Variants in RASA2 observed in about 807,000 individuals in gnomAD.
RASA2 encodes ras GTPase-activating protein 2.
Under a neutral mutation model 118.2 loss-of-function variants are expected in RASA2, and 155 were observed. The observed-to-expected ratio is 1.31, with a 90% CI of 1.15 to 1.50. The LOEUF is 1.50. RASA2 is among the 40% of genes most tolerant of loss of function. The pLI is 0.00. For synonymous variants in RASA2, 353 were observed against 349.1 expected, an observed-to-expected ratio of 1.01 and a Z score of -0.12; for missense variants, 1,016 against 1,009.6, an observed-to-expected ratio of 1.01 and a Z score of -0.09.
intron 18 of RASA2, among the ~76,000 whole-genome samples, 158 bp downstream of exon 18, chr3:141,586,256 CTT>C (rs1396167925): frequency 6.6e-6 from 1 of 152,124 alleles, no homozygotes; most frequent in Non-Finnish European, 1.5e-5. Flanking sequence ...GTCCTACAAA[CTT>C]TATGGCAAAA....
rs193117443 is a variant in RASA2, at chr3:141,594,354, A to C, written c.1933+7602A>C. Among the ~76,000 whole-genome samples, 197 of 136,952 alleles carry C rather than the reference A, an allele frequency of 1.4e-3. 8 individuals are homozygous for C. In the East Asian group the frequency reaches 0.041, roughly 29 times the overall value. 89.8% of individuals were successfully genotyped at this position (136,952 alleles called of 152,430 possible). On this transcript the variant is annotated intron_variant, in intron 19 of 23. Coordinates refer to ENST00000286364, the MANE Select transcript of RASA2 (RefSeq NM_006506.5). The stretch of plus-strand genomic sequence containing the variant: ...AAGGAGAGTAGAGAAAGAATTGGAC[A>C]AAAAAAAAAATTTTTTTTTGAAGAA...
At chr3:141,559,417 A>G (rs1222891797) in intron 8 of RASA2, among the ~76,000 whole-genome samples, 1 of 152,116 alleles carries the variant, frequency 6.6e-6, no homozygotes, top group Admixed American at 6.5e-5. Flanking sequence ...TTAAATATCT[A>G]TGCCCTTTGC....
intron 6 of RASA2, among the ~76,000 whole-genome samples, 154 bp from the exon 7 acceptor site, chr3:141,555,686 A>G (rs1301292016): frequency 1.3e-5 from 2 of 151,914 alleles, no homozygotes; most frequent in South Asian, 4.2e-4. Context: ...GTTTATAAGG[A>G]CAGTTACTTT....
intron 19 of RASA2, among the ~76,000 whole-genome samples, chr3:141,603,604 T>C (rs1346211792): frequency 6.6e-6 from 1 of 152,092 alleles, no homozygotes; most frequent in Non-Finnish European, 1.5e-5. Context: ...TTAGATATAA[T>C]TCACATACCA....
chr3:141,548,375 C>A (rs564731746), intron 5 of RASA2, among the ~76,000 whole-genome samples: 60 of 152,226 alleles, frequency 3.9e-4, no homozygotes, highest in African/African-American at 1.4e-3. Context: ...TTGGTCTCTT[C>A]AGGTTTTGGA....
intron 5 of RASA2, among the ~76,000 whole-genome samples, chr3:141,549,924 C>G (rs773418015): frequency 6.6e-6 from 1 of 152,030 alleles, no homozygotes; most frequent in African/African-American, 2.4e-5. Flanking sequence ...ACAATTTGAG[C>G]TTCAGAATAA....
At chr3:141,512,784 C>T (rs1165527449) in intron 2 of RASA2, among the ~76,000 whole-genome samples, 3 of 152,076 alleles carry the variant, frequency 2.0e-5, no homozygotes, top group Non-Finnish European at 2.9e-5. Context: ...ATAAGGAGGC[C>T]GGGCGTGGTG....
intron 1 of RASA2, among the ~76,000 whole-genome samples, chr3:141,508,025 G>A (rs1361570503): frequency 6.6e-6 from 1 of 152,048 alleles, no homozygotes; most frequent in Admixed American, 6.5e-5. Flanking sequence ...CATTAAACGG[G>A]CTATAGATAA....
chr3:141,507,700 G>A (rs1559994920), intron 1 of RASA2, among the ~76,000 whole-genome samples: 1 of 152,186 alleles, frequency 6.6e-6, no homozygotes, highest in Non-Finnish European at 1.5e-5. Flanking sequence ...CATGAAATCT[G>A]TGACTGAATA....
intron 12 of RASA2, 26 bp from the exon 13 acceptor site, chr3:141,573,118 AATC>A: frequency 6.6e-7 from 1 of 1,526,266 alleles, no homozygotes; most frequent in South Asian, 1.3e-5. Flanking sequence ...CTTAGAAAAA[AATC>A]ATTAACTGAA....
At chr3:141,553,150 A>G (rs547503695) in intron 5 of RASA2, among the ~76,000 whole-genome samples, 27 of 152,174 alleles carry the variant, frequency 1.8e-4, no homozygotes, top group Non-Finnish European at 3.8e-4. Flanking sequence ...AGCTTGCCCT[A>G]TATTTATGAA....
At chr3:141,600,299 C>G (rs1344208930) in intron 19 of RASA2, 2 of 538,210 alleles carry the variant, frequency 3.7e-6, no homozygotes, top group Non-Finnish European at 7.6e-6. Flanking sequence ...GCCTCACATT[C>G]TTCTCCTGCA....
intron 4 of RASA2, among the ~76,000 whole-genome samples, chr3:141,537,590 G>C (rs1359808387): frequency 6.6e-6 from 1 of 152,122 alleles, no homozygotes; most frequent in Non-Finnish European, 1.5e-5. Context: ...CCAACATGGT[G>C]AAACCGTGTC....
In RASA2 at chr3:141,559,509, G is replaced by C. The variant is rs369632000; in HGVS notation, c.762-385G>C. The stretch of plus-strand genomic sequence containing the variant: ...AGATGGTATATTAATCATGTGTTTG[G>C]AGTGATCAGGTAATGTATTTTTCTA... On this transcript the variant is annotated intron_variant, in intron 8 of 23. Coordinates refer to ENST00000286364, the MANE Select transcript of RASA2 (RefSeq NM_006506.5). Among the ~76,000 whole-genome samples the C allele has an allele frequency of 1.4e-4, 22 of 152,096 alleles. 2 individuals carry two copies. Among genetic ancestry groups the C allele is most frequent in the African/African-American group, 5.3e-4 (22 of 41,522 alleles).
chr3:141,501,143 CA>C (rs1418807020), intron 1 of RASA2, among the ~76,000 whole-genome samples: 1 of 152,158 alleles, frequency 6.6e-6, no homozygotes, highest in African/African-American at 2.4e-5. Flanking sequence ...TGGTGCAGGC[CA>C]AACAAATCTC....
intron 17 of RASA2, among the ~76,000 whole-genome samples, chr3:141,582,033 A>G (rs1361728932): frequency 2.0e-5 from 3 of 152,192 alleles, no homozygotes; most frequent in Admixed American, 6.5e-5. Flanking sequence ...TTACATCTAA[A>G]CTGGGCCTGA....
chr3:141,528,070 A>C (rs1450882866), intron 3 of RASA2, among the ~76,000 whole-genome samples: 1 of 151,936 alleles, frequency 6.6e-6, no homozygotes, highest in East Asian at 1.9e-4. Context: ...AAAATTTTAT[A>C]TGTTTTAACT....
chr3:141,504,611 C>T (rs550417950), intron 1 of RASA2, among the ~76,000 whole-genome samples: 107 of 152,262 alleles, frequency 7.0e-4, no homozygotes, highest in Middle Eastern at 6.8e-3. Context: ...TGCAAGTTTT[C>T]GCTCATTGAG....
At chr3:141,601,416 CAG>C (rs1376560562) in intron 19 of RASA2, among the ~76,000 whole-genome samples, 1 of 150,548 alleles carries the variant, frequency 6.6e-6, no homozygotes, top group Non-Finnish European at 1.5e-5. Flanking sequence ...GCCTGGGCAA[CAG>C]AGAGAGACTG....
Sources: allele counts gnomAD v4.1 joint callset (sites outside exome capture counted in the v4.1 genomes callset), GRCh38; gene constraint gnomAD v4.1.1; transcripts MANE v1.5; gene names NCBI Gene and HGNC (gene_info 2026-07-23, HGNC 2026-07-21).